CSMD1: variants seen among roughly 807,000 people sequenced by gnomAD.
The protein encoded by CSMD1 is CUB and sushi domain-containing protein 1.
CSMD1 carries 213 observed loss-of-function variants against 417.5 expected under a neutral mutation model. The ratio of observed to expected loss-of-function variants is 0.51; its 90% confidence interval spans 0.46 to 0.57. CSMD1 has a LOEUF of 0.57. Among genes scored for constraint, CSMD1 ranks in the 20% least tolerant of loss-of-function variants. CSMD1 has a pLI of 0.00. For synonymous variants in CSMD1, 2,862 were observed against 1,736.8 expected, an observed-to-expected ratio of 1.65 and a Z score of -16.11; for missense variants, 6,923 against 4,529.7, an observed-to-expected ratio of 1.53 and a Z score of -15.17.
At chr8:4,587,392 T>C (rs1470995787) in intron 2 of CSMD1, among the ~76,000 whole-genome samples, 1 of 76,554 alleles carries the variant, frequency 1.3e-5, no homozygotes, top group Non-Finnish European at 2.6e-5. Flanking sequence ...TGTACATACA[T>C]GTATATGTGG....
chr8:3,472,070 C>T (rs976356874), intron 11 of CSMD1, among the ~76,000 whole-genome samples: 12 of 152,108 alleles, frequency 7.9e-5, no homozygotes, highest in African/African-American at 2.7e-4. Context: ...TGTCCATCAT[C>T]GTCCTCTCCC....
At chr8:3,520,289 C>T (rs1797453910) in intron 10 of CSMD1, among the ~76,000 whole-genome samples, 1 of 152,108 alleles carries the variant, frequency 6.6e-6, no homozygotes, top group Non-Finnish European at 1.5e-5. Flanking sequence ...TCAACCTCCT[C>T]TATTCCAAAA....
At chr8:4,016,492 A>T (rs746373831) in intron 4 of CSMD1, among the ~76,000 whole-genome samples, 1 of 152,078 alleles carries the variant, frequency 6.6e-6, no homozygotes, top group Non-Finnish European at 1.5e-5. Flanking sequence ...AGCTTCCTGG[A>T]GGACAAGGAG....
intron 53 of CSMD1, among the ~76,000 whole-genome samples, chr8:2,998,948 GT>G (rs1807150730): frequency 6.6e-6 from 1 of 152,064 alleles, no homozygotes; most frequent in Admixed American, 6.5e-5. Flanking sequence ...GATAATCTTT[GT>G]CACTGTTTTA....
intron 10 of CSMD1, among the ~76,000 whole-genome samples, chr8:3,562,374 GCACA>G (rs900354072): frequency 2.7e-5 from 4 of 149,784 alleles, no homozygotes; most frequent in Admixed American, 6.8e-5. Context: ...ACACACACAT[GCACA>G]CACACACACG....
At chr8:3,978,634 G>T (rs1217558185) in intron 5 of CSMD1, among the ~76,000 whole-genome samples, 1 of 152,120 alleles carries the variant, frequency 6.6e-6, no homozygotes, top group Non-Finnish European at 1.5e-5. Context: ...TCTCGTCGCT[G>T]CTGTCTCTCC....
intron 11 of CSMD1, among the ~76,000 whole-genome samples, chr8:3,484,281 C>G (rs1277940852): frequency 6.6e-6 from 1 of 152,160 alleles, no homozygotes; most frequent in African/African-American, 2.4e-5. Context: ...TAGACCCACA[C>G]AAATACATCT....
In CSMD1 at chr8:3,871,586, T is replaced by C. The variant is rs150993661; in HGVS notation, c.819-117544A>G. On this transcript the variant is annotated intron_variant, in intron 5 of 69. Coordinates refer to ENST00000635120, the MANE Select transcript of CSMD1 (RefSeq NM_033225.6). ...ATTATTGATTCATAATTTTTATATA[T>C]TAGGAATATTAGTCTTCAAATTCAG... Among the ~76,000 whole-genome samples, 61 of 152,304 alleles carry C rather than the reference T, an allele frequency of 4.0e-4. 1 individual carries two copies. The East Asian group carries it at 0.01, about 25-fold the overall frequency.
intron 7 of CSMD1, among the ~76,000 whole-genome samples, chr8:3,656,352 C>T (rs374956362): frequency 2.0e-5 from 3 of 152,214 alleles, no homozygotes; most frequent in African/African-American, 7.2e-5. Flanking sequence ...AGCTTTCCAG[C>T]GCGGCTGTTT....
chr8:3,854,652 A>T (rs1285398536), intron 5 of CSMD1, among the ~76,000 whole-genome samples: 2 of 152,028 alleles, frequency 1.3e-5, no homozygotes, highest in East Asian at 3.9e-4. Context: ...TAGAATCTGG[A>T]CAATGTGGAA....
chr8:3,368,543 T>C lies in CSMD1; in HGVS notation c.2899+711A>G, dbSNP rs186125121. 3.9e-3 allele frequency among the ~76,000 whole-genome samples: 594 copies of C among 152,290 alleles called. 5 individuals carry two copies. Among genetic ancestry groups the C allele is most frequent in the African/African-American group, 0.013 (559 of 41,566 alleles). ...TAGTAGAGACAAGGTTCCACCATAT[T>C]GGCTAGTCTGGTCTGGAACTCCTGA... On this transcript the variant is annotated intron_variant, in intron 19 of 69. Transcript: ENST00000635120.
chr8:3,694,572 C>T (rs1230693617), intron 7 of CSMD1, among the ~76,000 whole-genome samples: 5 of 151,810 alleles, frequency 3.3e-5, no homozygotes, highest in African/African-American at 7.3e-5. Context: ...AGGCCAGGCC[C>T]GAGACTCCCC....
intron 50 of CSMD1, among the ~76,000 whole-genome samples, chr8:3,040,325 T>C (rs547412525): frequency 6.6e-6 from 1 of 150,818 alleles, no homozygotes; most frequent in Non-Finnish European, 1.5e-5. Flanking sequence ...GTTTCTCAAA[T>C]GGATTTTAAC....
At chr8:3,175,152 T>G (rs1259087656) in intron 37 of CSMD1, among the ~76,000 whole-genome samples, 3 of 152,196 alleles carry the variant, frequency 2.0e-5, no homozygotes, top group African/African-American at 7.2e-5. Context: ...TTTATAACGA[T>G]AAAATCATTT....
intron 3 of CSMD1, among the ~76,000 whole-genome samples, chr8:4,281,554 G>A (rs1474783523): frequency 2.0e-5 from 3 of 152,142 alleles, no homozygotes; most frequent in Non-Finnish European, 1.5e-5. Context: ...AAAATGTTGT[G>A]ACAAATGAGA....
chr8:3,710,184 T>C lies in CSMD1; in HGVS notation c.932-1693A>G, dbSNP rs73658217. 2.4e-3 allele frequency among the ~76,000 whole-genome samples: 358 copies of C among 152,284 alleles called. 1 individual carries two copies. The highest frequency in any genetic ancestry group is 7.9e-3 in the African/African-American group (330 of 41,554). On this transcript the variant is annotated intron_variant, in intron 6 of 69. Transcript: ENST00000635120. The stretch of plus-strand genomic sequence containing the variant: ...TGTCTGCAAGTTTTTTGTTTTTAAT[T>C]GTCGCAAATTTCCAAAAAATGCTTC...
intron 10 of CSMD1, among the ~76,000 whole-genome samples, chr8:3,526,388 A>G (rs1585306420): frequency 6.6e-6 from 1 of 152,092 alleles, no homozygotes; most frequent in Non-Finnish European, 1.5e-5. Context: ...GTCTTCTTCA[A>G]TCCTAAATAT....
chr8:4,178,462 A>G (rs1399541056), intron 3 of CSMD1, among the ~76,000 whole-genome samples: 1 of 151,378 alleles, frequency 6.6e-6, no homozygotes, highest in Non-Finnish European at 1.5e-5. Context: ...TAACAAACCC[A>G]CAGCCAATAT....
intron 18 of CSMD1, among the ~76,000 whole-genome samples, chr8:3,377,165 C>A (rs1476540803): frequency 6.6e-6 from 1 of 152,108 alleles, no homozygotes; most frequent in Non-Finnish European, 1.5e-5. Flanking sequence ...CATGCCAATA[C>A]CCCCAGCTAA....
Sources: allele counts gnomAD v4.1 joint callset (sites outside exome capture counted in the v4.1 genomes callset), GRCh38; gene constraint gnomAD v4.1.1; transcripts MANE v1.5; gene names NCBI Gene and HGNC (gene_info 2026-07-23, HGNC 2026-07-21).